Variants in CEP112 observed in about 807,000 individuals in gnomAD.
CEP112 encodes centrosomal protein 112.
Under a neutral mutation model 153.0 loss-of-function variants are expected in CEP112, and 127 were observed. The observed-to-expected ratio is 0.83, with a 90% confidence interval of 0.72 to 0.96. The LOEUF (loss-of-function observed/expected upper bound fraction) is 0.96. Ranked by LOEUF, CEP112 falls within the 40% of genes least tolerant of loss-of-function variation. CEP112 has a pLI of 0.00. For synonymous variants in CEP112, 358 were observed against 374.4 expected, an observed-to-expected ratio of 0.96 and a Z score of 0.51; for missense variants, 1,089 against 1,101.2, an observed-to-expected ratio of 0.99 and a Z score of 0.16.
intron 20 of CEP112, among the ~76,000 whole-genome samples, chr17:65,860,404 C>T (rs145318857): frequency 9.6e-4 from 146 of 152,222 alleles, no homozygotes; most frequent in African/African-American, 3.4e-3. Context: ...GAAGAGCTTT[C>T]GACAAGGTGG....
chr17:66,060,312 A>C (rs901362354), intron 11 of CEP112, among the ~76,000 whole-genome samples: 3 of 152,168 alleles, frequency 2.0e-5, no homozygotes, highest in Non-Finnish European at 4.4e-5. Context: ...AAAAAATGAA[A>C]TAAAGTATCC....
chr17:65,953,333 A>T (rs1485783609), intron 18 of CEP112, among the ~76,000 whole-genome samples: 1 of 152,206 alleles, frequency 6.6e-6, no homozygotes, highest in African/African-American at 2.4e-5. Flanking sequence ...GGCAGACAGG[A>T]GGCAGGACTA....
chr17:65,971,706 TTACA>T (rs1439522154), intron 17 of CEP112, among the ~76,000 whole-genome samples: 30 of 152,290 alleles, frequency 2.0e-4, no homozygotes, highest in African/African-American at 3.8e-4. Flanking sequence ...TACATGCATA[TTACA>T]TGCATGCATA....
At chr17:65,686,744 C>T (rs750351661) in intron 24 of CEP112, among the ~76,000 whole-genome samples, 24 of 152,150 alleles carry the variant, frequency 1.6e-4, no homozygotes, top group Non-Finnish European at 3.4e-4. Flanking sequence ...TTCCTTTGCT[C>T]GTTGCTTTTC....
intron 21 of CEP112, among the ~76,000 whole-genome samples, chr17:65,804,149 T>C (rs868306337): frequency 5.3e-4 from 81 of 152,308 alleles, no homozygotes; most frequent in African/African-American, 1.8e-3. Context: ...TTAATTACTT[T>C]TAATTTTTAA....
At chr17:65,799,185 T>A (rs2055112701) in intron 21 of CEP112, among the ~76,000 whole-genome samples, 1 of 152,196 alleles carries the variant, frequency 6.6e-6, no homozygotes, top group Admixed American at 6.5e-5. Flanking sequence ...GCAAAAAATT[T>A]CCTGAATAAG....
At chr17:65,954,941 G>T (rs140921557) in intron 18 of CEP112, among the ~76,000 whole-genome samples, 1 of 152,210 alleles carries the variant, frequency 6.6e-6, no homozygotes, top group Non-Finnish European at 1.5e-5. Context: ...AAACATATTT[G>T]AGGGAATAAT....
At chr17:66,066,483 TAAG>T (rs1432934392) in intron 10 of CEP112, among the ~76,000 whole-genome samples, 5 of 152,086 alleles carry the variant, frequency 3.3e-5, no homozygotes, top group African/African-American at 9.7e-5. Flanking sequence ...AGGCTAGAGT[TAAG>T]AAGAGGGAGT....
At chr17:65,959,779 G>A (rs1278753313) in intron 18 of CEP112, among the ~76,000 whole-genome samples, 1 of 152,212 alleles carries the variant, frequency 6.6e-6, no homozygotes, top group African/African-American at 2.4e-5. Flanking sequence ...CACTGCAGCA[G>A]GTGGCATACC....
At chr17:65,803,579 T>A (rs1275973456) in intron 21 of CEP112, among the ~76,000 whole-genome samples, 1 of 152,206 alleles carries the variant, frequency 6.6e-6, no homozygotes, top group Non-Finnish European at 1.5e-5. Context: ...ATACCTTAGG[T>A]GTTACATTAT....
intron 21 of CEP112, among the ~76,000 whole-genome samples, chr17:65,758,243 G>A (rs759165524): frequency 6.6e-6 from 1 of 152,118 alleles, no homozygotes; most frequent in African/African-American, 2.4e-5. Flanking sequence ...CTTTCTGACT[G>A]TTGCCATTTC....
chr17:65,881,274 G>A (rs374068887), intron 20 of CEP112, among the ~76,000 whole-genome samples: 10 of 152,166 alleles, frequency 6.6e-5, no homozygotes, highest in East Asian at 1.9e-4. Flanking sequence ...AAAGTCAAAC[G>A]CTCTCTGGAA....
intron 11 of CEP112, among the ~76,000 whole-genome samples, chr17:66,057,193 G>A (rs557044646): frequency 9.2e-5 from 14 of 152,310 alleles, no homozygotes; most frequent in Admixed American, 2.6e-4. Flanking sequence ...GGAGGTAGAG[G>A]CCAGTTACAG....
At chr17:65,864,195 A>T (rs1490910324) in intron 20 of CEP112, among the ~76,000 whole-genome samples, 1 of 151,700 alleles carries the variant, frequency 6.6e-6, no homozygotes, top group African/African-American at 2.4e-5. Flanking sequence ...CAGGTTTCAG[A>T]TCTTTCAGAT....
chr17:66,104,140 G>A (rs1324674893), intron 6 of CEP112, among the ~76,000 whole-genome samples: 1 of 152,160 alleles, frequency 6.6e-6, no homozygotes. Context: ...GTGACATAGT[G>A]AGACACCAGC....
At chr17:65,724,557 A>G (rs2050069715) in intron 23 of CEP112, among the ~76,000 whole-genome samples, 1 of 152,254 alleles carries the variant, frequency 6.6e-6, no homozygotes, top group South Asian at 2.1e-4. Context: ...TCTCAGTAGC[A>G]TATAACTACT....
At chr17:65,820,982 A>G (rs2056502220) in intron 21 of CEP112, among the ~76,000 whole-genome samples, 1 of 152,144 alleles carries the variant, frequency 6.6e-6, no homozygotes, top group Admixed American at 6.6e-5. Flanking sequence ...TGCAATGGGA[A>G]CAAATGTCCA....
chr17:66,087,560 C>T (rs1438892892), intron 8 of CEP112, among the ~76,000 whole-genome samples: 2 of 152,100 alleles, frequency 1.3e-5, no homozygotes, highest in South Asian at 4.1e-4. Flanking sequence ...AAAGAAAAGC[C>T]TGAGTCTAAT....
intron 6 of CEP112, among the ~76,000 whole-genome samples, chr17:66,111,074 C>T (rs1451424788): frequency 6.6e-6 from 1 of 152,064 alleles, no homozygotes; most frequent in Admixed American, 6.6e-5. Flanking sequence ...CAAAAGAAGA[C>T]ATACACGTGG....
Sources: allele counts gnomAD v4.1 joint callset (sites outside exome capture counted in the v4.1 genomes callset), GRCh38; gene constraint gnomAD v4.1.1; transcripts MANE v1.5; gene names NCBI Gene and HGNC (gene_info 2026-07-23, HGNC 2026-07-21).